RGS7BP: variants seen among roughly 807,000 people sequenced by gnomAD.
The protein encoded by RGS7BP is regulator of G protein signaling 7-binding protein.
Under a neutral mutation model 31.3 loss-of-function variants are expected in RGS7BP, and 9 were observed. The ratio of observed to expected loss-of-function variants is 0.29; its 90% CI spans 0.17 to 0.50. RGS7BP has a LOEUF of 0.50. Among genes scored for constraint, RGS7BP ranks in the 20% least tolerant of loss-of-function variants. The pLI, the probability that RGS7BP is intolerant of heterozygous loss-of-function variation, is 0.98. For synonymous variants in RGS7BP, 115 were observed against 120.1 expected, an observed-to-expected ratio of 0.96 and a Z score of 0.28; for missense variants, 274 against 322.0, an observed-to-expected ratio of 0.85 and a Z score of 1.14.
chr5:64,527,642 A>AAAAAAAAAG, intron 2 of RGS7BP, among the ~76,000 whole-genome samples: 1 of 136,136 alleles, frequency 7.3e-6, no homozygotes, highest in Admixed American at 7.5e-5. Flanking sequence ...AAAAAAAAAA[A>AAAAAAAAAG]GAGGAATGTT....
At chr5:64,609,090 T>C in intron 5 of RGS7BP, 71 bp from the exon 6 acceptor site, 1 of 966,410 alleles carries the variant, frequency 1.0e-6, no homozygotes, top group Non-Finnish European at 1.7e-6. Flanking sequence ...GGTGGATTTT[T>C]AAAGCCACTT....
At chr5:64,593,216 T>C (rs2111954031) in intron 3 of RGS7BP, among the ~76,000 whole-genome samples, 1 of 152,346 alleles carries the variant, frequency 6.6e-6, no homozygotes, top group East Asian at 1.9e-4. Context: ...TATAGGTTGG[T>C]GAAAGGCATA....
At chr5:64,546,981 T>C (rs1741673349) in intron 2 of RGS7BP, among the ~76,000 whole-genome samples, 2 of 152,228 alleles carry the variant, frequency 1.3e-5, no homozygotes, top group Admixed American at 1.3e-4. Flanking sequence ...AAATTCTGAC[T>C]TCCATCACCA....
At chr5:64,555,212 C>A (rs1741891920) in intron 2 of RGS7BP, among the ~76,000 whole-genome samples, 1 of 152,080 alleles carries the variant, frequency 6.6e-6, no homozygotes, top group African/African-American at 2.4e-5. Context: ...TGAAGTGAGT[C>A]TCTCCACAAC....
At chr5:64,598,932 G>T (rs1743149862) in intron 5 of RGS7BP, among the ~76,000 whole-genome samples, 1 of 152,246 alleles carries the variant, frequency 6.6e-6, no homozygotes, top group South Asian at 2.1e-4. Context: ...GCACAGAAAG[G>T]TTAGCTAAAT....
chr5:64,514,091 T>C (rs539698900), intron 2 of RGS7BP, among the ~76,000 whole-genome samples: 1 of 152,334 alleles, frequency 6.6e-6, no homozygotes, highest in African/African-American at 2.4e-5. Flanking sequence ...GTCTTTCACA[T>C]TCTTCGGTTT....
intron 3 of RGS7BP, among the ~76,000 whole-genome samples, chr5:64,576,406 G>T (rs1432088943): frequency 6.6e-6 from 1 of 152,176 alleles, no homozygotes; most frequent in East Asian, 1.9e-4. Context: ...ACCCTCCAGA[G>T]GTTAGTCATG....
intron 5 of RGS7BP, among the ~76,000 whole-genome samples, chr5:64,598,636 C>T (rs1743139872): frequency 6.6e-6 from 1 of 152,136 alleles, no homozygotes; most frequent in African/African-American, 2.4e-5. Flanking sequence ...GCCCAAGGTA[C>T]ATTATGACCT....
At chr5:64,528,669 G>A (rs1749292136) in intron 2 of RGS7BP, among the ~76,000 whole-genome samples, 2 of 151,930 alleles carry the variant, frequency 1.3e-5, no homozygotes, top group Non-Finnish European at 2.9e-5. Flanking sequence ...AAATTAGCTG[G>A]GTGTGGTGAT....
At chr5:64,600,982 C>A (rs1743202260) in intron 5 of RGS7BP, among the ~76,000 whole-genome samples, 1 of 152,154 alleles carries the variant, frequency 6.6e-6, no homozygotes. Context: ...ACCATAGAGG[C>A]TTCCCCAATT....
intron 2 of RGS7BP, among the ~76,000 whole-genome samples, chr5:64,541,444 C>G (rs13157802): frequency 2.6e-5 from 4 of 152,112 alleles, no homozygotes; most frequent in Non-Finnish European, 4.4e-5. Flanking sequence ...GTCCCCAAAA[C>G]GCAGCAGCTG....
At chr5:64,600,827 G>A (rs1378551003) in intron 5 of RGS7BP, among the ~76,000 whole-genome samples, 2 of 152,202 alleles carry the variant, frequency 1.3e-5, no homozygotes, top group Non-Finnish European at 2.9e-5. Context: ...CTGCTGAGCT[G>A]ACCAGTGGGG....
At chr5:64,607,099 A>G (rs1268262581) in intron 5 of RGS7BP, among the ~76,000 whole-genome samples, 1 of 152,096 alleles carries the variant, frequency 6.6e-6, no homozygotes, top group African/African-American at 2.4e-5. Context: ...TCCAAGGAAC[A>G]CTGTCAACCT....
At chr5:64,543,795 G>A (rs1283795614) in intron 2 of RGS7BP, among the ~76,000 whole-genome samples, 1 of 152,208 alleles carries the variant, frequency 6.6e-6, no homozygotes. Flanking sequence ...GCTGGAGCAA[G>A]GGTGTCCACT....
At chr5:64,526,640 C>G (rs1420359588) in intron 2 of RGS7BP, among the ~76,000 whole-genome samples, 2 of 152,180 alleles carry the variant, frequency 1.3e-5, no homozygotes, top group African/African-American at 2.4e-5. Context: ...CCGACTGATA[C>G]CTCTGTAGGA....
chr5:64,578,121 G>T (rs1742485258), intron 3 of RGS7BP, among the ~76,000 whole-genome samples: 1 of 152,106 alleles, frequency 6.6e-6, no homozygotes, highest in Non-Finnish European at 1.5e-5. Context: ...TGTTGCATTT[G>T]GTCATTTCAC....
At chr5:64,598,542 C>A in intron 5 of RGS7BP, 107 bp downstream of exon 5, 1 of 751,996 alleles carries the variant, frequency 1.3e-6, no homozygotes, top group African/African-American at 1.7e-5. Context: ...CAGTAGAAGG[C>A]ATTGAGCATT....
At chr5:64,516,161 C>T (rs954543474) in intron 2 of RGS7BP, among the ~76,000 whole-genome samples, 3 of 152,090 alleles carry the variant, frequency 2.0e-5, no homozygotes, top group Non-Finnish European at 4.4e-5. Flanking sequence ...TAACAAAAGT[C>T]AATTTAACAT....
intron 2 of RGS7BP, among the ~76,000 whole-genome samples, chr5:64,559,220 A>T (rs1196611333): frequency 4.6e-5 from 7 of 152,040 alleles, no homozygotes; most frequent in African/African-American, 1.7e-4. Context: ...TCTCCCCCAG[A>T]CACCCAGCTT....
Sources: gnomAD v4.1 joint callset for allele counts (sites outside exome capture counted in the v4.1 genomes callset) on GRCh38, gnomAD v4.1.1 for gene constraint, MANE v1.5 for transcripts, NCBI Gene and HGNC (gene_info 2026-07-23, HGNC 2026-07-21) for gene names.